Variants in PRKCI observed in about 807,000 individuals in gnomAD.
The protein encoded by PRKCI is protein kinase C iota.
PRKCI carries 43 observed loss-of-function variants against 84.0 expected under a neutral mutation model. The ratio of observed to expected loss-of-function variants is 0.51; its 90% CI spans 0.40 to 0.66. The LOEUF is 0.66. Ranked by LOEUF, PRKCI falls within the 30% of genes least tolerant of loss-of-function variation. PRKCI has a pLI of 0.00. For synonymous variants in PRKCI, 216 were observed against 234.4 expected (o/e 0.92, Z 0.72); for missense variants, 459 against 745.6 (o/e 0.62, Z 4.48).
chr3:170,263,556 C>CAG, intron 4 of PRKCI, 127 bp downstream of exon 4: 1 of 687,040 alleles, frequency 1.5e-6, no homozygotes, highest in Non-Finnish European at 2.4e-6. Flanking sequence ...AATCCCAGCA[C>CAG]TGTGGGAAGC....
intron 12 of PRKCI, among the ~76,000 whole-genome samples, chr3:170,285,916 AT>A (rs553916153): frequency 0.01 from 1,355 of 131,370 alleles, 7 homozygotes; most frequent in African/African-American, 0.02. Flanking sequence ...GCTAATTTTA[AT>A]TTTTTTTTTT....
intron 3 of PRKCI, among the ~76,000 whole-genome samples, chr3:170,260,912 TTTCA>T (rs1733708619): frequency 6.6e-6 from 1 of 152,174 alleles, no homozygotes; most frequent in Non-Finnish European, 1.5e-5. Flanking sequence ...CAAATTTGTG[TTTCA>T]TTCAACTATG....
intron 2 of PRKCI, among the ~76,000 whole-genome samples, chr3:170,245,949 GTTTTTTTTTT>G (rs112482352): frequency 8.5e-5 from 7 of 82,462 alleles, no homozygotes; most frequent in African/African-American, 3.4e-4. Context: ...TTATGTCTTT[GTTTTTTTTTT>G]TTTTTTTTTT....
intron 2 of PRKCI, 41 bp from the exon 3 acceptor site, chr3:170,259,928 G>A: frequency 1.7e-6 from 2 of 1,208,714 alleles, no homozygotes; most frequent in Non-Finnish European, 1.2e-6. Context: ...TCACATTTAG[G>A]GGTTTTAAAG....
At chr3:170,284,176 A>G (rs1254651767) in intron 11 of PRKCI, among the ~76,000 whole-genome samples, 1 of 152,102 alleles carries the variant, frequency 6.6e-6, no homozygotes, top group Non-Finnish European at 1.5e-5. Flanking sequence ...TTGTAGAAGT[A>G]TGGACTGCCT....
intron 12 of PRKCI, among the ~76,000 whole-genome samples, chr3:170,286,001 T>G (rs550951144): frequency 6.6e-6 from 1 of 152,026 alleles, no homozygotes; most frequent in East Asian, 1.9e-4. Context: ...CTCGGCTCAC[T>G]GCAACCTCCA....
chr3:170,260,903 A>T (rs534582600), intron 3 of PRKCI, among the ~76,000 whole-genome samples: 5 of 152,158 alleles, frequency 3.3e-5, no homozygotes, highest in African/African-American at 1.2e-4. Context: ...TTCTGATTCC[A>T]AATTTGTGTT....
At chr3:170,281,734 T>C (rs1241894149) in intron 10 of PRKCI, 148 bp from the exon 11 acceptor site, 3 of 1,026,098 alleles carry the variant, frequency 2.9e-6, no homozygotes, top group Non-Finnish European at 2.7e-6. Flanking sequence ...TTCCGTACCC[T>C]AGATACCCTT....
intron 4 of PRKCI, among the ~76,000 whole-genome samples, chr3:170,264,486 C>A (rs888375381): frequency 3.9e-5 from 6 of 152,044 alleles, no homozygotes; most frequent in Non-Finnish European, 8.8e-5. Flanking sequence ...ACCATGTTGG[C>A]CAGGCCGGTG....
chr3:170,264,624 G>A (rs28387371), intron 4 of PRKCI, among the ~76,000 whole-genome samples: 13,222 of 152,022 alleles, frequency 0.087, 1,423 homozygotes, highest in African/African-American at 0.25. Flanking sequence ...ACTTCCTACA[G>A]TTGACCCAGA....
At chr3:170,277,572 T>TA (rs914446137) in intron 8 of PRKCI, among the ~76,000 whole-genome samples, 2 of 151,784 alleles carry the variant, frequency 1.3e-5, no homozygotes, top group African/African-American at 4.8e-5. Flanking sequence ...CAGGCGCCTG[T>TA]AGTCCCAGCT....
chr3:170,289,367 T>A (rs1252287502), intron 12 of PRKCI, among the ~76,000 whole-genome samples: 1 of 152,218 alleles, frequency 6.6e-6, no homozygotes, highest in Non-Finnish European at 1.5e-5. Context: ...CAGTGTTATA[T>A]ATAACAGGGT....
At chr3:170,257,177 T>C (rs1733604036) in intron 2 of PRKCI, among the ~76,000 whole-genome samples, 1 of 152,260 alleles carries the variant, frequency 6.6e-6, no homozygotes, top group South Asian at 2.1e-4. Flanking sequence ...TTTTGAAATA[T>C]GTTTCAAATT....
chr3:170,279,150 C>A (rs1734186783), intron 8 of PRKCI, among the ~76,000 whole-genome samples: 1 of 152,162 alleles, frequency 6.6e-6, no homozygotes, highest in Admixed American at 6.5e-5. Context: ...ACCTCAGCCT[C>A]CCAGGTAGCT....
At chr3:170,239,829 G>A (rs1240831760) in intron 2 of PRKCI, among the ~76,000 whole-genome samples, 1 of 151,646 alleles carries the variant, frequency 6.6e-6, no homozygotes, top group African/African-American at 2.4e-5. Context: ...AGTGCCTAGA[G>A]CAATACTAAA....
At chr3:170,281,703 G>T in intron 10 of PRKCI, 179 bp from the exon 11 acceptor site, 2 of 693,182 alleles carry the variant, frequency 2.9e-6, no homozygotes, top group Non-Finnish European at 2.1e-6. Flanking sequence ...TTATTATCAT[G>T]CTGGTTTACT....
Position 170,222,501 on chromosome 3 carries a change from C to T in PRKCI, c.-169C>T, listed in dbSNP as rs983159791. The T allele has an allele frequency of 1.8e-6, 1 of 543,878 alleles. No homozygotes were observed. The highest frequency in any genetic ancestry group is 3.5e-5 in the East Asian group (1 of 28,580). 33.7% of individuals were successfully genotyped at this position (543,878 alleles called of 1,614,324 possible). A position where few individuals can be genotyped will look rare whatever the true frequency, so the allele number is the denominator to read the frequency against. ...GGCAGTGGGAGGAGCCGCGCGGTTC[C>T]GGCTGCTCCGGCGAGGCGACCCTTG... On this transcript the variant is annotated 5_prime_UTR_variant, in exon 1 of 18. Transcript: ENST00000295797.
chr3:170,282,957 T>G (rs986196499), intron 11 of PRKCI, among the ~76,000 whole-genome samples: 11 of 151,716 alleles, frequency 7.3e-5, no homozygotes, highest in Admixed American at 5.3e-4. Context: ...ATATAAAAAT[T>G]AGCCGGGCGT....
At chr3:170,260,875 G>A (rs1057178730) in intron 3 of PRKCI, among the ~76,000 whole-genome samples, 7 of 152,136 alleles carry the variant, frequency 4.6e-5, no homozygotes, top group African/African-American at 1.7e-4. Flanking sequence ...TTGTAGACCT[G>A]GATTGTGAAT....
Sources: allele counts gnomAD v4.1 joint callset (sites outside exome capture counted in the v4.1 genomes callset), GRCh38; gene constraint gnomAD v4.1.1; transcripts MANE v1.5; gene names NCBI Gene and HGNC (gene_info 2026-07-23, HGNC 2026-07-21).